The following ESCO1 variants were observed in gnomAD, a reference collection of about 807,000 sequenced individuals.
ESCO1 encodes the protein N-acetyltransferase ESCO1.
Under a neutral mutation model 83.5 loss-of-function variants are expected in ESCO1, and 33 were observed. The observed-to-expected ratio is 0.40, with a 90% CI of 0.30 to 0.53. The LOEUF (loss-of-function observed/expected upper bound fraction) is 0.53. Ranked by LOEUF, ESCO1 falls within the 20% of genes least tolerant of loss-of-function variation. ESCO1 has a pLI of 0.63. For missense variants in ESCO1, 855 were observed against 968.0 expected (o/e 0.88, Z 1.55); for synonymous variants, 332 against 324.3 (o/e 1.02, Z -0.25).
In ESCO1 at chr18:21,559,773, A is replaced by T. The variant is rs143557274; in HGVS notation, c.1953+1086T>A. Among the ~76,000 whole-genome samples, 187 of 152,356 alleles carry T rather than the reference A, an allele frequency of 1.2e-3. 1 individual carries two copies. Among genetic ancestry groups the T allele is most frequent in the African/African-American group, 4.4e-3 (182 of 41,590 alleles). ...ATGATAAAACAATATCCAGCTATAG[A>T]TATTCTATGTCCACGCACCTTATAT... On this transcript the variant is annotated intron_variant, in intron 8 of 11. Transcript: ENST00000269214.
intron 1 of ESCO1, among the ~76,000 whole-genome samples, chr18:21,598,782 C>A (rs1418193279): frequency 2.6e-5 from 4 of 151,912 alleles, no homozygotes; most frequent in Non-Finnish European, 4.4e-5. Context: ...GCATATTTTC[C>A]TCAGTTAGCA....
chr18:21,543,015 G>T (rs548601548), intron 8 of ESCO1, among the ~76,000 whole-genome samples: 1 of 152,164 alleles, frequency 6.6e-6, no homozygotes, highest in Admixed American at 6.5e-5. Flanking sequence ...TTCAGGACTA[G>T]TATGTTACAC....
At chr18:21,544,503 C>T (rs1185184453) in intron 8 of ESCO1, among the ~76,000 whole-genome samples, 1 of 150,268 alleles carries the variant, frequency 6.7e-6, no homozygotes, top group Non-Finnish European at 1.5e-5. Flanking sequence ...GTGGCATGCA[C>T]CTGTAATCCC....
At chr18:21,561,969 C>A (rs1598464126) in intron 7 of ESCO1, among the ~76,000 whole-genome samples, 2 of 151,932 alleles carry the variant, frequency 1.3e-5, no homozygotes, top group African/African-American at 4.8e-5. Context: ...ACCTCCCACT[C>A]CTGGGTTCAA....
chr18:21,560,095 G>GT, intron 8 of ESCO1, among the ~76,000 whole-genome samples: 1 of 152,102 alleles, frequency 6.6e-6, no homozygotes. Context: ...TCTTATTAAC[G>GT]TGAGTGTACA....
intron 8 of ESCO1, among the ~76,000 whole-genome samples, chr18:21,551,320 A>C (rs1355655773): frequency 6.6e-6 from 1 of 151,866 alleles, no homozygotes; most frequent in Non-Finnish European, 1.5e-5. Flanking sequence ...AATACAAAAA[A>C]TTAGCCAGGC....
chr18:21,565,250 C>T (rs2146202559), intron 6 of ESCO1, among the ~76,000 whole-genome samples: 1 of 152,266 alleles, frequency 6.6e-6, no homozygotes, highest in Admixed American at 6.5e-5. Flanking sequence ...TAAGTCATTC[C>T]AATTTGTACT....
At chr18:21,579,535 G>C (rs1372497558) in intron 2 of ESCO1, among the ~76,000 whole-genome samples, 1 of 151,542 alleles carries the variant, frequency 6.6e-6, no homozygotes, top group Non-Finnish European at 1.5e-5. Context: ...ACTTTGGGAG[G>C]CCAAGGCAGG....
intron 8 of ESCO1, among the ~76,000 whole-genome samples, chr18:21,559,970 C>T (rs1347134085): frequency 6.6e-6 from 1 of 151,756 alleles, no homozygotes; most frequent in African/African-American, 2.4e-5. Flanking sequence ...AGTATTAATA[C>T]AAGCATATGA....
chr18:21,539,179 ACCTACTTAGCAATCC>A (rs1174817525), intron 9 of ESCO1, among the ~76,000 whole-genome samples: 2 of 152,154 alleles, frequency 1.3e-5, no homozygotes, highest in Admixed American at 6.5e-5. Context: ...GTTTACTATG[ACCTACTTAGCAATCC>A]CCTTCTGCAA....
intron 1 of ESCO1, among the ~76,000 whole-genome samples, chr18:21,595,326 T>C (rs1415460912): frequency 7.3e-6 from 1 of 137,814 alleles, no homozygotes; most frequent in Non-Finnish European, 1.5e-5. Context: ...ATCACGCCAC[T>C]GCACTCCAGC....
Position 21,566,035 on chromosome 18 carries a change from A to G in ESCO1, c.1706+111T>C. On this transcript the variant is annotated intron_variant, in intron 6 of 11. Transcript: ENST00000269214. Reference sequence around the variant, plus strand: ...ATAGAAAAAGCTGTAATGAAAAGAGAATCTGTAGGTAAACTGAGGGTTACT... The same window carrying G: ...ATAGAAAAAGCTGTAATGAAAAGAGGATCTGTAGGTAAACTGAGGGTTACT... The G allele has an allele frequency of 3.3e-6, 3 of 920,704 alleles. No individual in the cohort carries two copies. The South Asian group carries it at 4.7e-5, about 15-fold the overall frequency. 57.0% of individuals were successfully genotyped at this position (920,704 alleles called of 1,614,324 possible).
intron 8 of ESCO1, 152 bp from the exon 9 acceptor site, chr18:21,540,161 C>CATTA: frequency 2.8e-6 from 2 of 714,282 alleles, no homozygotes; most frequent in Non-Finnish European, 4.5e-6. Context: ...CTTAATAAAG[C>CATTA]ATGATAAATC....
chr18:21,586,750 C>T (rs751674338), intron 1 of ESCO1, among the ~76,000 whole-genome samples: 14 of 152,076 alleles, frequency 9.2e-5, no homozygotes, highest in Admixed American at 2.0e-4. Context: ...TCCCTTTTGC[C>T]AGTCTACCTT....
rs111890944 is a variant in ESCO1, at chr18:21,574,851, T to C, written c.-8A>G. ...CTCCTGAATGGACATCATTCCTGAG[T>C]AATGACTTTCTTTTCTGAGTAGTTT... On this transcript the variant is annotated 5_prime_UTR_variant, in exon 4 of 12. Transcript: ENST00000269214. 3.2e-5 allele frequency: 50 copies of C among 1,562,508 alleles called. 1 individual carries two copies. The African/African-American group carries it at 5.1e-4, about 16-fold the overall frequency.
intron 7 of ESCO1, among the ~76,000 whole-genome samples, chr18:21,562,429 T>C (rs1056697104): frequency 6.6e-6 from 1 of 151,036 alleles, no homozygotes; most frequent in South Asian, 2.1e-4. Context: ...TGAGCCAAGA[T>C]TGTGCCACTG....
rs2038378665 is a variant in ESCO1, at chr18:21,573,967, C to G, written c.877G>C (p.Glu293Gln). The change falls in exon 4 of 12, where the codon GAG (glutamate) becomes CAG (glutamine). Residue 293 changes from glutamate (E) to glutamine (Q), a missense_variant. Glu to Gln is a conservative substitution (Grantham distance 29). Transcript: ENST00000269214. ...CCTCGTTTGCTCTTTCCTGCTTGCT[C>G]CAGCTCATTATCACTTTGTTCAGGC... is the stretch of plus-strand genomic sequence containing the variant. ...SVPEQSDNEL[E>Q]QAGKSKRGSI... 6.8e-6 allele frequency: 11 copies of G among 1,613,802 alleles called. No homozygotes were observed. The highest frequency in any genetic ancestry group is 9.3e-6 in the Non-Finnish European group (11 of 1,180,034).
chr18:21,546,081 T>C (rs2146181028), intron 8 of ESCO1, among the ~76,000 whole-genome samples: 1 of 152,362 alleles, frequency 6.6e-6, no homozygotes, highest in South Asian at 2.1e-4. Flanking sequence ...AAATTTGTAC[T>C]GACTACCTAC....
intron 1 of ESCO1, among the ~76,000 whole-genome samples, chr18:21,590,055 C>A (rs542133099): frequency 1.6e-4 from 24 of 151,914 alleles, no homozygotes; most frequent in African/African-American, 5.3e-4. Flanking sequence ...TCTCGATCTC[C>A]TGACCTCGTG....
Sources: allele counts gnomAD v4.1 joint callset (sites outside exome capture counted in the v4.1 genomes callset), GRCh38; gene constraint gnomAD v4.1.1; transcripts MANE v1.5; gene names NCBI Gene and HGNC (gene_info 2026-07-23, HGNC 2026-07-21).